AKAP6: variants seen among roughly 807,000 people sequenced by gnomAD.
The protein encoded by AKAP6 is A-kinase anchor protein 6.
In AKAP6, 58 loss-of-function variants were observed where a neutral mutation model predicts 188.5. The observed-to-expected ratio is 0.31, with a 90% CI of 0.25 to 0.38. AKAP6 has a LOEUF of 0.38. Among genes scored for constraint, AKAP6 ranks in the 10% least tolerant of loss-of-function variants. The pLI is 1.00. For synonymous variants in AKAP6, 989 were observed against 998.6 expected (o/e 0.99, Z 0.18); for missense variants, 2,710 against 2,740.0 (o/e 0.99, Z 0.24).
In AKAP6 at chr14:32,623,898, G is replaced by T. The variant is rs1408371774; in HGVS notation, c.2730+23106G>T. 5.2e-4 allele frequency among the ~76,000 whole-genome samples: 79 copies of T among 152,120 alleles called. 1 individual carries two copies. The highest frequency in any genetic ancestry group is 1.2e-4 in the Non-Finnish European group (8 of 68,028). ...GCCCCGACTGTGTTAGTCATCATCT[G>T]CTCATGGAAGCATGGAAACCCTGGG... is the stretch of plus-strand genomic sequence containing the variant. On this transcript the variant is annotated intron_variant, in intron 7 of 13. Transcript: ENST00000280979.
chr14:32,477,330 C>T (rs1400544704), intron 2 of AKAP6, among the ~76,000 whole-genome samples: 1 of 152,172 alleles, frequency 6.6e-6, no homozygotes, highest in Non-Finnish European at 1.5e-5. Flanking sequence ...TCAGGGCTAG[C>T]TAGGTGCCTG....
At chr14:32,753,795 G>A (rs2032230086) in intron 11 of AKAP6, among the ~76,000 whole-genome samples, 1 of 152,048 alleles carries the variant, frequency 6.6e-6, no homozygotes, top group African/African-American at 2.4e-5. Context: ...CCCATGGCGT[G>A]TTCTTGCTAC....
At chr14:32,809,338 G>A (rs1044566145) in intron 12 of AKAP6, among the ~76,000 whole-genome samples, 1 of 152,192 alleles carries the variant, frequency 6.6e-6, no homozygotes, top group Non-Finnish European at 1.5e-5. Flanking sequence ...ATGATGCATA[G>A]AGCTATCTAC....
At chr14:32,518,599 T>C (rs1396920083) in intron 2 of AKAP6, among the ~76,000 whole-genome samples, 3 of 152,060 alleles carry the variant, frequency 2.0e-5, no homozygotes, top group African/African-American at 7.2e-5. Context: ...GTATCAGTGA[T>C]TGAAGATCAA....
intron 9 of AKAP6, among the ~76,000 whole-genome samples, chr14:32,703,088 A>G (rs2139721626): frequency 6.6e-6 from 1 of 152,298 alleles, no homozygotes; most frequent in Non-Finnish European, 1.5e-5. Context: ...TTTATCAAAA[A>G]CTTGTGAAAA....
intron 4 of AKAP6, among the ~76,000 whole-genome samples, chr14:32,547,365 C>G (rs955159024): frequency 5.9e-5 from 9 of 152,214 alleles, no homozygotes; most frequent in African/African-American, 2.2e-4. Context: ...ATAGACTATT[C>G]CAGTTACCCC....
chr14:32,378,698 A>T (rs149330555), intron 1 of AKAP6, among the ~76,000 whole-genome samples: 1 of 152,320 alleles, frequency 6.6e-6, no homozygotes, highest in African/African-American at 2.4e-5. Flanking sequence ...TATTAAGATG[A>T]CCAAAACTAG....
intron 7 of AKAP6, among the ~76,000 whole-genome samples, chr14:32,617,582 T>A (rs1886631853): frequency 6.6e-6 from 1 of 152,174 alleles, no homozygotes; most frequent in Non-Finnish European, 1.5e-5. Flanking sequence ...TGACAAACAA[T>A]TTATAACACA....
chr14:32,821,673 A>T lies in AKAP6; in HGVS notation c.3860A>T (p.Gln1287Leu), dbSNP rs2034523485. The T allele has an allele frequency of 6.2e-7, 1 of 1,613,694 alleles. No homozygotes were observed. The highest frequency in any genetic ancestry group is 8.5e-7 in the Non-Finnish European group (1 of 1,179,916). Residue 1287 changes from glutamine to leucine, a missense_variant, in exon 13 of 14, where the codon CAG becomes CTG. By Grantham distance (113) the Gln-to-Leu change is moderately radical. Coordinates refer to ENST00000280979, the MANE Select transcript of AKAP6 (RefSeq NM_004274.5). ...ITAPSSPHIY[Q>L]VYSLHNVELY... Reference sequence around the variant, plus strand: ...GCCCCCTCTAGTCCACACATTTACCAGGTGTACAGCCTCCACAATGTTGAA... The same window carrying T: ...GCCCCCTCTAGTCCACACATTTACCTGGTGTACAGCCTCCACAATGTTGAA...
chr14:32,620,655 G>A (rs981668392), intron 7 of AKAP6, among the ~76,000 whole-genome samples: 3 of 151,962 alleles, frequency 2.0e-5, no homozygotes, highest in African/African-American at 7.2e-5. Context: ...TCTGGCTTTG[G>A]TATTAGGGTA....
intron 1 of AKAP6, among the ~76,000 whole-genome samples, chr14:32,340,800 G>A (rs903744751): frequency 6.6e-6 from 1 of 152,172 alleles, no homozygotes; most frequent in Non-Finnish European, 1.5e-5. Flanking sequence ...TCCACTTTCT[G>A]GTTCACAGCT....
rs1000610949 is a variant in AKAP6, at chr14:32,568,874, T to A, written c.2347-8246T>A. 3.3e-5 allele frequency among the ~76,000 whole-genome samples: 5 copies of A among 152,334 alleles called. No homozygotes were observed. The South Asian group carries it at 8.3e-4, about 25-fold the overall frequency. ...TTGTTCCAGTTTATTCCCATTTTTTTATTTGTACCTATTTTTATTAGACTT... is the reference window on the plus strand; with the variant it reads ...TTGTTCCAGTTTATTCCCATTTTTTAATTTGTACCTATTTTTATTAGACTT... On this transcript the variant is annotated intron_variant, in intron 4 of 13. Coordinates refer to ENST00000280979, the MANE Select transcript of AKAP6 (RefSeq NM_004274.5). The surrounding 1 kb of genome is among the most constrained non-coding windows in gnomAD (Gnocchi z 6.2).
chr14:32,389,049 A>G (rs533495129), intron 1 of AKAP6, among the ~76,000 whole-genome samples: 1 of 151,976 alleles, frequency 6.6e-6, no homozygotes, highest in African/African-American at 2.4e-5. Context: ...TTAGGTGTGT[A>G]TGTGTTTAGA....
intron 2 of AKAP6, among the ~76,000 whole-genome samples, chr14:32,518,641 G>GA (rs1434037400): frequency 6.6e-6 from 1 of 151,856 alleles, no homozygotes; most frequent in African/African-American, 2.4e-5. Context: ...GAGAAGTTTA[G>GA]AAGAAAAAGA....
At chr14:32,824,936 C>A in intron 13 of AKAP6, 121 bp downstream of exon 13, 2 of 657,156 alleles carry the variant, frequency 3.0e-6, no homozygotes, top group Non-Finnish European at 4.8e-6. Flanking sequence ...CTGAATAAGA[C>A]ATTTAGGTAG....
In AKAP6 at chr14:32,777,432, G is replaced by A. The variant is rs188308701; in HGVS notation, c.3588+3539G>A. Among the ~76,000 whole-genome samples, 60 of 152,114 alleles carry A rather than the reference G, an allele frequency of 3.9e-4. 1 individual carries two copies. The highest frequency in any genetic ancestry group is 1.5e-3 in the East Asian group (8 of 5,172). On this transcript the variant is annotated intron_variant, in intron 12 of 13. Coordinates refer to ENST00000280979, the MANE Select transcript of AKAP6 (RefSeq NM_004274.5). ...AAAAACATTAAAAGTTATTATACCC[G>A]CATTCCATATGTTCAAGCAGCTGGA...
chr14:32,397,055 C>T (rs914161611), intron 1 of AKAP6, among the ~76,000 whole-genome samples: 1 of 152,128 alleles, frequency 6.6e-6, no homozygotes, highest in African/African-American at 2.4e-5. Context: ...TAGACCAGTG[C>T]TTATTGAAAC....
At chr14:32,651,402 G>T (rs552105823) in intron 7 of AKAP6, among the ~76,000 whole-genome samples, 1 of 152,178 alleles carries the variant, frequency 6.6e-6, no homozygotes, top group Non-Finnish European at 1.5e-5. Flanking sequence ...TCTAGGCTAT[G>T]CTATGTAGGG....
intron 7 of AKAP6, among the ~76,000 whole-genome samples, chr14:32,639,784 G>T (rs1424406425): frequency 6.6e-6 from 1 of 152,106 alleles, no homozygotes; most frequent in Non-Finnish European, 1.5e-5. Context: ...ACATTAAACA[G>T]GGAAAGGGGC....
Sources: gnomAD v4.1 joint callset for allele counts (sites outside exome capture counted in the v4.1 genomes callset) on GRCh38, gnomAD v4.1.1 for gene constraint, Gnocchi (gnomAD v3.1) non-coding constraint, MANE v1.5 for transcripts, NCBI Gene and HGNC (gene_info 2026-07-23, HGNC 2026-07-21) for gene names.